ARHGAP15: variants seen among roughly 807,000 people sequenced by gnomAD.
ARHGAP15 encodes rho GTPase-activating protein 15.
ARHGAP15 carries 51 observed loss-of-function variants against 63.7 expected under a neutral mutation model. The ratio of observed to expected loss-of-function variants is 0.80; its 90% CI spans 0.64 to 1.01. The LOEUF (loss-of-function observed/expected upper bound fraction) is 1.01. ARHGAP15 is among the 50% of genes least tolerant of loss of function. The probability of loss-of-function intolerance (pLI) is 0.00; values close to 1 mark genes in which losing one functional copy is unlikely to be tolerated. For synonymous variants in ARHGAP15, 191 were observed against 193.8 expected, an observed-to-expected ratio of 0.99 and a Z score of 0.12; for missense variants, 560 against 564.6, an observed-to-expected ratio of 0.99 and a Z score of 0.08.
At chr2:143,422,963 G>A (rs749772224) in intron 6 of ARHGAP15, among the ~76,000 whole-genome samples, 9 of 152,138 alleles carry the variant, frequency 5.9e-5, no homozygotes, top group African/African-American at 9.7e-5. Context: ...CTGAGATCAC[G>A]TCAAGTCACT....
chr2:143,375,407 T>C (rs1053396277), intron 6 of ARHGAP15, among the ~76,000 whole-genome samples: 6 of 152,168 alleles, frequency 3.9e-5, no homozygotes, highest in African/African-American at 9.7e-5. Flanking sequence ...AGTAATCTGA[T>C]TGGTGATGAA....
intron 2 of ARHGAP15, among the ~76,000 whole-genome samples, chr2:143,185,666 C>A (rs1691417811): frequency 6.6e-6 from 1 of 152,184 alleles, no homozygotes; most frequent in Non-Finnish European, 1.5e-5. Context: ...TCATCATGTA[C>A]TATGGTATCA....
rs544583277 is a variant in ARHGAP15 at position 143,273,781 on chromosome 2, T to C, written c.474+23181T>C. Among the ~76,000 whole-genome samples the C allele has an allele frequency of 3.3e-5, 5 of 152,326 alleles. 1 individual carries two copies. Among genetic ancestry groups the C allele is most frequent in the Admixed American group, 3.3e-4 (5 of 15,298 alleles). Reference sequence around the variant, plus strand: ...ATGCTAGTCATTTCCAAAAATTTCATTTCCATATTTTATTCCTATAAAACT... The same window carrying C: ...ATGCTAGTCATTTCCAAAAATTTCACTTCCATATTTTATTCCTATAAAACT... On this transcript the variant is annotated intron_variant, in intron 6 of 13. Transcript: ENST00000295095.
intron 11 of ARHGAP15, among the ~76,000 whole-genome samples, chr2:143,591,734 C>T (rs1173650364): frequency 6.6e-6 from 1 of 151,846 alleles, no homozygotes; most frequent in East Asian, 1.9e-4. Context: ...ATTCTCCTGC[C>T]TCAGCCTCCT....
intron 6 of ARHGAP15, among the ~76,000 whole-genome samples, chr2:143,251,084 T>G (rs1286234536): frequency 1.3e-5 from 2 of 151,962 alleles, no homozygotes; most frequent in Non-Finnish European, 2.9e-5. Context: ...CTTACTTTAG[T>G]TTTTTGAAAA....
At chr2:143,260,779 T>G (rs1433208571) in intron 6 of ARHGAP15, among the ~76,000 whole-genome samples, 2 of 152,160 alleles carry the variant, frequency 1.3e-5, no homozygotes, top group Non-Finnish European at 2.9e-5. Context: ...AATTCCTTCT[T>G]CAAAATATGT....
At chr2:143,369,317 A>T (rs1013401820) in intron 6 of ARHGAP15, among the ~76,000 whole-genome samples, 1 of 152,076 alleles carries the variant, frequency 6.6e-6, no homozygotes, top group Non-Finnish European at 1.5e-5. Flanking sequence ...TGTGAATTAC[A>T]GACCACATCA....
intron 9 of ARHGAP15, among the ~76,000 whole-genome samples, chr2:143,491,258 T>C (rs1037241772): frequency 7.9e-5 from 12 of 152,330 alleles, no homozygotes; most frequent in Admixed American, 7.2e-4. Context: ...ATAAATCTCC[T>C]TGGCCTGCTT....
At position 143,554,552 on chromosome 2, in the gene ARHGAP15, A is replaced by G. The variant is rs1422948961; in HGVS notation, c.926-1856A>G. ...TGAGAAGGACACACTTGAATGTACA[A>G]TTTTTAATATTTTTAAATCTATCAC... On this transcript the variant is annotated intron_variant, in intron 10 of 13. Transcript: ENST00000295095. 2.0e-5 allele frequency among the ~76,000 whole-genome samples: 3 copies of G among 152,248 alleles called. No homozygotes were observed. In the East Asian group the frequency reaches 5.8e-4, roughly 29 times the overall value.
rs79711444 is a variant in ARHGAP15, at chr2:143,200,074, A to G, written c.166-2060A>G. ...AAAAATAGGTAAACAGCCAACAGTC[A>G]CTGGACCAAAACAATAATTGAATCC... On this transcript the variant is annotated intron_variant, in intron 2 of 13. Coordinates refer to ENST00000295095, the MANE Select transcript of ARHGAP15 (RefSeq NM_018460.4). Among the ~76,000 whole-genome samples, 553 of 152,274 alleles carry G rather than the reference A, an allele frequency of 3.6e-3. 26 individuals are homozygous for G. The East Asian group carries it at 0.098, about 27-fold the overall frequency.
intron 12 of ARHGAP15, among the ~76,000 whole-genome samples, chr2:143,693,778 C>G (rs942912677): frequency 6.6e-6 from 1 of 152,192 alleles, no homozygotes; most frequent in Non-Finnish European, 1.5e-5. Flanking sequence ...GAGGAATCTT[C>G]TACTCCATTA....
chr2:143,704,855 C>T (rs1190623816), intron 13 of ARHGAP15, among the ~76,000 whole-genome samples: 1 of 152,124 alleles, frequency 6.6e-6, no homozygotes, highest in Non-Finnish European at 1.5e-5. Context: ...GAATGTAATA[C>T]ATGCAATTGC....
At chr2:143,240,101 A>G (rs1015388557) in intron 5 of ARHGAP15, among the ~76,000 whole-genome samples, 6 of 150,588 alleles carry the variant, frequency 4.0e-5, no homozygotes, top group African/African-American at 1.2e-4. Context: ...ACTTGAACCC[A>G]GGTGTTTGAG....
At chr2:143,431,292 C>A (rs543255768) in intron 6 of ARHGAP15, among the ~76,000 whole-genome samples, 1 of 152,012 alleles carries the variant, frequency 6.6e-6, no homozygotes, top group Non-Finnish European at 1.5e-5. Context: ...TCTTTGTAAT[C>A]TCTTAATTCT....
intron 2 of ARHGAP15, among the ~76,000 whole-genome samples, chr2:143,158,857 A>G (rs1690184215): frequency 6.6e-6 from 1 of 151,976 alleles, no homozygotes; most frequent in African/African-American, 2.4e-5. Flanking sequence ...TAAAAAGACC[A>G]ATGTGCATTG....
intron 8 of ARHGAP15, among the ~76,000 whole-genome samples, chr2:143,445,179 G>A (rs201160222): frequency 6.1e-4 from 5 of 8,194 alleles, no homozygotes; most frequent in Admixed American, 1.4e-3. Flanking sequence ...TTTTTTTTTT[G>A]AGAAGGAGTC....
chr2:143,573,754 A>G (rs961929797), intron 11 of ARHGAP15, among the ~76,000 whole-genome samples: 4 of 152,168 alleles, frequency 2.6e-5, no homozygotes, highest in Non-Finnish European at 4.4e-5. Flanking sequence ...GGGATCCAGT[A>G]TACCTAGTAT....
chr2:143,477,533 C>T (rs1428847612), intron 8 of ARHGAP15, among the ~76,000 whole-genome samples: 1 of 151,970 alleles, frequency 6.6e-6, no homozygotes, highest in Non-Finnish European at 1.5e-5. Flanking sequence ...ATTTAACATA[C>T]ACAAAAATCC....
chr2:143,139,970 T>C (rs1689295740), intron 1 of ARHGAP15, among the ~76,000 whole-genome samples: 1 of 152,154 alleles, frequency 6.6e-6, no homozygotes, highest in Admixed American at 6.6e-5. Flanking sequence ...TATAAAATGA[T>C]GTATGTAAAG....
Sources: allele counts gnomAD v4.1 joint callset (sites outside exome capture counted in the v4.1 genomes callset), GRCh38; gene constraint gnomAD v4.1.1; transcripts MANE v1.5; gene names NCBI Gene and HGNC (gene_info 2026-07-23, HGNC 2026-07-21).